Variants in JADE2 observed in about 807,000 individuals in gnomAD.
JADE2 encodes E3 ubiquitin-protein ligase Jade-2.
A neutral mutation model predicts 85.7 loss-of-function variants in JADE2; 13 were observed. The ratio of observed to expected loss-of-function variants is 0.15; its 90% CI spans 0.10 to 0.24. The LOEUF is 0.24. Among genes scored for constraint, JADE2 ranks in the 10% least tolerant of loss-of-function variants. JADE2 has a pLI of 1.00. For missense variants in JADE2, 846 were observed against 1,115.9 expected (o/e 0.76, Z 3.45); for synonymous variants, 440 against 456.1 (o/e 0.96, Z 0.45).
intron 4 of JADE2, among the ~76,000 whole-genome samples, chr5:134,558,464 T>A (rs1370276476): frequency 6.6e-6 from 1 of 151,612 alleles, no homozygotes; most frequent in Non-Finnish European, 1.5e-5. Flanking sequence ...CCCACGCCTA[T>A]GTCCTGAATG....
At chr5:134,533,027 G>A (rs1383734556) in intron 1 of JADE2, among the ~76,000 whole-genome samples, 1 of 152,166 alleles carries the variant, frequency 6.6e-6, no homozygotes, top group African/African-American at 2.4e-5. Context: ...GGCACTCTGG[G>A]GTGTTTTGTG....
In JADE2 at chr5:134,581,133, GATA is replaced by G. The variant is rs1764691894; in HGVS notation, c.*1819_*1821del. 6.6e-6 allele frequency: 1 copy of G among 152,562 alleles called. No homozygotes were observed. Among genetic ancestry groups the G allele is most frequent in the Non-Finnish European group, 1.5e-5 (1 of 68,044 alleles). The allele number at this position is 152,562 out of a possible 1,614,324, so 9.5% of individuals were successfully genotyped here. ...GAATTTTAGCAAAACAGGAAACAAA[GATA>G]ATGACTCAGTTCAGAGGATCGGACA... is the stretch of plus-strand genomic sequence containing the variant. On this transcript the variant is annotated 3_prime_UTR_variant, in exon 12 of 12. Transcript: ENST00000681547.
At chr5:134,542,105 T>C (rs1221511210) in intron 3 of JADE2, among the ~76,000 whole-genome samples, 1 of 152,168 alleles carries the variant, frequency 6.6e-6, no homozygotes. Flanking sequence ...CCCTGGGAGC[T>C]CCTTAAGGCA....
chr5:134,573,509 G>T, intron 9 of JADE2, 136 bp from the exon 10 acceptor site: 1 of 715,952 alleles, frequency 1.4e-6, no homozygotes, highest in Middle Eastern at 3.4e-4. Flanking sequence ...TTGTTTTGCA[G>T]ATGTTCTGGG....
chr5:134,538,175 G>A (rs1761724265), intron 3 of JADE2, 92 bp downstream of exon 3: 35 of 1,029,664 alleles, frequency 3.4e-5, no homozygotes, highest in Non-Finnish European at 4.8e-5. Flanking sequence ...CAGAGGGCAC[G>A]GGCAGTGCAG....
chr5:134,525,998 C>T lies in JADE2; in HGVS notation c.-14C>T, dbSNP rs1465521197. The stretch of plus-strand genomic sequence containing the variant: ...CCGAGGGCAGCGCCCGTCAGGGGGG[C>T]ACCGCGGAGCAAGGTAAGATCCAGC... On this transcript the variant is annotated 5_prime_UTR_variant, in exon 1 of 12. Transcript: ENST00000681547. The T allele has an allele frequency of 3.0e-6, 3 of 985,448 alleles. No individual in the cohort carries two copies. The highest frequency in any genetic ancestry group is 3.6e-6 in the Non-Finnish European group (3 of 830,114). The allele number at this position is 985,448 out of a possible 1,614,324, so 61.0% of individuals were successfully genotyped here.
chr5:134,529,957 G>A (rs2149850933), intron 1 of JADE2, among the ~76,000 whole-genome samples: 1 of 152,370 alleles, frequency 6.6e-6, no homozygotes, highest in Non-Finnish European at 1.5e-5. Context: ...TGGGACACTT[G>A]AAGTTGCAGA....
chr5:134,531,882 G>GTTTTTTT (rs1351976124), intron 1 of JADE2, among the ~76,000 whole-genome samples: 3 of 83,062 alleles, frequency 3.6e-5, no homozygotes, highest in Admixed American at 1.7e-4. Context: ...ACCGTGCCTG[G>GTTTTTTT]CTTTTTTTTT....
chr5:134,533,918 T>A (rs1761419272), intron 1 of JADE2, among the ~76,000 whole-genome samples: 1 of 152,066 alleles, frequency 6.6e-6, no homozygotes, highest in Admixed American at 6.6e-5. Context: ...GGCTAATTTT[T>A]AAATTTTTTG....
intron 4 of JADE2, among the ~76,000 whole-genome samples, chr5:134,559,402 C>G (rs960383855): frequency 8.5e-5 from 13 of 152,320 alleles, no homozygotes; most frequent in African/African-American, 3.1e-4. Context: ...TTGTTGCTGG[C>G]ACAGGGCATT....
chr5:134,533,695 A>C, intron 1 of JADE2: 2 of 316,550 alleles, frequency 6.3e-6, no homozygotes, highest in Non-Finnish European at 9.0e-6. Flanking sequence ...GGCTAGAATC[A>C]GGAGTCAGGA....
In JADE2 at chr5:134,538,145, C is replaced by T. The variant is rs924850403; in HGVS notation, c.153+62C>T. ...GTGAGAGTGAGCTGCCCTGCGGAGA[C>T]TGGGGCAGAGCATTCCTGGCAGAGG... is the stretch of plus-strand genomic sequence containing the variant. On this transcript the variant is annotated intron_variant, in intron 3 of 11. Coordinates refer to ENST00000681547, the MANE Select transcript of JADE2 (RefSeq NM_001388185.1). The T allele has an allele frequency of 3.7e-6, 5 of 1,341,004 alleles. No homozygotes were observed. In the Admixed American group the frequency reaches 5.1e-5, roughly 14 times the overall value. The allele number at this position is 1,341,004 out of a possible 1,614,324, so 83.1% of individuals were successfully genotyped here.
chr5:134,525,897 G>A lies in JADE2; in HGVS notation c.-115G>A. ...GACCCCGGATGGATGCGCGCCCCCC[G>A]CCCTCCCGCGCCGGCCCCAGGAGCT... On this transcript the variant is annotated 5_prime_UTR_variant, in exon 1 of 12. Transcript: ENST00000681547. 1 of 985,602 alleles carries A rather than the reference G, an allele frequency of 1.0e-6. No homozygotes were observed. 61.1% of individuals were successfully genotyped at this position (985,602 alleles called of 1,614,324 possible).
chr5:134,525,881 T>G lies in JADE2; in HGVS notation c.-131T>G. On this transcript the variant is annotated 5_prime_UTR_variant, in exon 1 of 12. The change abolishes an upstream ATG in the 5' untranslated region. Coordinates refer to ENST00000681547, the MANE Select transcript of JADE2 (RefSeq NM_001388185.1). ...CCGCCTCCCTCGCCGCGACCCCGGA[T>G]GGATGCGCGCCCCCCGCCCTCCCGC... 1.0e-6 allele frequency: 1 copy of G among 986,766 alleles called. No homozygotes were observed. Among genetic ancestry groups the G allele is most frequent in the Non-Finnish European group, 1.2e-6 (1 of 831,012 alleles). The allele number at this position is 986,766 out of a possible 1,614,324, so 61.1% of individuals were successfully genotyped here. A position where few individuals can be genotyped will look rare whatever the true frequency, so the allele number is the denominator to read the frequency against.
chr5:134,547,138 T>G (rs1481953616), intron 3 of JADE2, among the ~76,000 whole-genome samples: 1 of 152,316 alleles, frequency 6.6e-6, no homozygotes, highest in East Asian at 1.9e-4. Flanking sequence ...AAGCTAGACT[T>G]TTGAATGGTT....
intron 3 of JADE2, among the ~76,000 whole-genome samples, chr5:134,544,916 G>A (rs979185546): frequency 6.6e-6 from 1 of 152,188 alleles, no homozygotes; most frequent in Non-Finnish European, 1.5e-5. Flanking sequence ...TAAAGACAGG[G>A]GTGGCCAGAT....
chr5:134,573,531 G>T (rs1436048595), intron 9 of JADE2, 114 bp from the exon 10 acceptor site: 1 of 764,494 alleles, frequency 1.3e-6, no homozygotes, highest in East Asian at 2.4e-5. Context: ...AGGATAGGCT[G>T]TGGCGGTAGC....
chr5:134,573,568 A>G (rs934414586), intron 9 of JADE2, 77 bp from the exon 10 acceptor site: 5 of 998,264 alleles, frequency 5.0e-6, no homozygotes, highest in African/African-American at 3.2e-5. Flanking sequence ...GCCTCCACCC[A>G]TAGCAAGGTC....
intron 3 of JADE2, among the ~76,000 whole-genome samples, chr5:134,549,290 G>GA (rs1438474916): frequency 6.6e-6 from 1 of 152,222 alleles, no homozygotes; most frequent in African/African-American, 2.4e-5. Context: ...TTAGAAGGCT[G>GA]AGGCAGGCAG....
Sources: allele counts gnomAD v4.1 joint callset (sites outside exome capture counted in the v4.1 genomes callset), GRCh38; gene constraint gnomAD v4.1.1; transcripts MANE v1.5; gene names NCBI Gene and HGNC (gene_info 2026-07-23, HGNC 2026-07-21).